The following BMP8A variants were observed in gnomAD, a reference collection of about 807,000 sequenced individuals.
BMP8A encodes the protein BMP-8A.
In BMP8A, 14 loss-of-function variants were observed where a neutral mutation model predicts 36.8. The observed-to-expected ratio is 0.38, with a 90% CI of 0.25 to 0.60. The LOEUF (loss-of-function observed/expected upper bound fraction) is 0.60, where lower values mean the gene tolerates loss of function less well. Among genes scored for constraint, BMP8A ranks in the 20% least tolerant of loss-of-function variants. BMP8A has a pLI of 0.63. For missense variants in BMP8A, 267 were observed against 551.1 expected (o/e 0.48, Z 5.16); for synonymous variants, 120 against 237.7 (o/e 0.50, Z 4.55).
In BMP8A at chr1:39,524,555, C is replaced by T. The variant is rs1176123201; in HGVS notation, c.1060-1094C>T. ...GACAGGAGCAGGCTGGCCCTAAGTT[C>T]AGGGCCAGCAGGGAGGAGAGGGGCT... On this transcript the variant is annotated intron_variant, in intron 6 of 6. Transcript: ENST00000331593. This position sits in a 1 kb window ranked among gnomAD's most constrained non-coding sequence, Gnocchi z 4.0. Among the ~76,000 whole-genome samples the T allele has an allele frequency of 6.6e-6, 1 of 152,058 alleles. No homozygotes were observed. Among genetic ancestry groups the T allele is most frequent in the Non-Finnish European group, 1.5e-5 (1 of 68,000 alleles).
chr1:39,509,530 G>A (rs1441677473), intron 1 of BMP8A, among the ~76,000 whole-genome samples: 1 of 152,188 alleles, frequency 6.6e-6, no homozygotes, highest in African/African-American at 2.4e-5. Context: ...ACCCTCAGGT[G>A]CTGTGGGACA....
chr1:39,505,814 T>G (rs889303957), intron 1 of BMP8A, among the ~76,000 whole-genome samples: 1 of 151,906 alleles, frequency 6.6e-6, no homozygotes, highest in African/African-American at 2.4e-5. Flanking sequence ...AGCCCTTGTC[T>G]CAATAAACAA....
chr1:39,510,630 C>T (rs1375199614), intron 1 of BMP8A, among the ~76,000 whole-genome samples: 1 of 151,922 alleles, frequency 6.6e-6, no homozygotes, highest in African/African-American at 2.4e-5. Flanking sequence ...CGCACTCATG[C>T]CTCAGCCCAG....
intron 1 of BMP8A, among the ~76,000 whole-genome samples, chr1:39,499,026 G>A (rs1265637095): frequency 2.6e-5 from 4 of 152,076 alleles, no homozygotes; most frequent in Non-Finnish European, 2.9e-5. Flanking sequence ...CTGGGGCCCC[G>A]GAACACAGCG....
rs1174516398 is a variant in BMP8A, at chr1:39,528,782, C to T, written c.*2984C>T. 6.6e-6 allele frequency among the ~76,000 whole-genome samples: 1 copy of T among 151,668 alleles called. No homozygotes were observed. The highest frequency in any genetic ancestry group is 1.5e-5 in the Non-Finnish European group (1 of 67,988). On this transcript the variant is annotated 3_prime_UTR_variant, in exon 7 of 7. Coordinates refer to ENST00000331593, the MANE Select transcript of BMP8A (RefSeq NM_181809.4). Reference sequence around the variant, plus strand: ...GCAGTGGCAGTGTCATGGCTCACTGCAGCCTCAACCTGCTGGGCTCAAGCA... The same window carrying T: ...GCAGTGGCAGTGTCATGGCTCACTGTAGCCTCAACCTGCTGGGCTCAAGCA...
Position 39,524,950 on chromosome 1 carries a change from C to G in BMP8A, c.1060-699C>G, listed in dbSNP as rs2124384110. The G allele has an allele frequency of 6.6e-6, 1 of 152,654 alleles. No homozygotes were observed. Among genetic ancestry groups the G allele is most frequent in the Non-Finnish European group, 1.5e-5 (1 of 68,274 alleles). 9.5% of individuals were successfully genotyped at this position (152,654 alleles called of 1,614,324 possible). A position where few individuals can be genotyped will look rare whatever the true frequency, so the allele number is the denominator to read the frequency against. The stretch of plus-strand genomic sequence containing the variant: ...GAGGCGAAAGGAGTCATCCAGGAGG[C>G]CTCCCAGGCGGGAGCTATGATGTCA... On this transcript the variant is annotated intron_variant, in intron 6 of 6. Coordinates refer to ENST00000331593, the MANE Select transcript of BMP8A (RefSeq NM_181809.4). This position sits in a 1 kb window ranked among gnomAD's most constrained non-coding sequence, Gnocchi z 4.0.
intron 1 of BMP8A, among the ~76,000 whole-genome samples, chr1:39,493,534 T>C (rs1025096143): frequency 3.9e-5 from 6 of 152,240 alleles, no homozygotes; most frequent in Non-Finnish European, 5.9e-5. Flanking sequence ...GGTACTGAGC[T>C]GCAGCAGGTC....
Position 39,526,682 on chromosome 1 carries a change from G to GC in BMP8A, c.*888dup, listed in dbSNP as rs1645486947. On this transcript the variant is annotated 3_prime_UTR_variant, in exon 7 of 7. Transcript: ENST00000331593. The stretch of plus-strand genomic sequence containing the variant: ...ATGTGTATTCCCTTGCCCTGGGCCT[G>GC]CCCCTTCTCCTGCCTGGGAAAGAGG... 6.6e-6 allele frequency among the ~76,000 whole-genome samples: 1 copy of GC among 152,154 alleles called. No homozygotes were observed. The highest frequency in any genetic ancestry group is 2.4e-5 in the African/African-American group (1 of 41,414).
chr1:39,498,344 C>T (rs1441084421), intron 1 of BMP8A, among the ~76,000 whole-genome samples: 6 of 152,218 alleles, frequency 3.9e-5, no homozygotes, highest in Non-Finnish European at 8.8e-5. Flanking sequence ...CTGGAAAATT[C>T]CCACAGTTCA....
At chr1:39,515,762 G>A (rs1645390061) in intron 3 of BMP8A, 1 of 1,591,684 alleles carries the variant, frequency 6.3e-7, no homozygotes, top group South Asian at 1.1e-5. Context: ...GCAGAAATAC[G>A]AGAAACGAAT....
intron 1 of BMP8A, among the ~76,000 whole-genome samples, chr1:39,499,564 G>A (rs1248591211): frequency 1.3e-5 from 2 of 152,240 alleles, no homozygotes; most frequent in African/African-American, 2.4e-5. Context: ...AGGGTCGCAG[G>A]GTTTGGCATC....
chr1:39,522,398 T>C lies in BMP8A; in HGVS notation c.869-5T>C. On this transcript the variant is annotated splice_region_variant and splice_polypyrimidine_tract_variant and intron_variant, in intron 4 of 6. Transcript: ENST00000331593. ...GAAAAGACCTTGCCCCTTCTGTCCC[T>C]GCAGATGACGTCCGCGGCTCCCACG... 5 of 1,583,744 alleles carry C rather than the reference T, an allele frequency of 3.2e-6. No individual in the cohort carries two copies. Among genetic ancestry groups the C allele is most frequent in the Non-Finnish European group, 4.3e-6 (5 of 1,161,506 alleles).
intron 1 of BMP8A, among the ~76,000 whole-genome samples, chr1:39,506,454 G>C (rs951831385): frequency 2.6e-5 from 4 of 151,836 alleles, no homozygotes; most frequent in African/African-American, 9.7e-5. Flanking sequence ...TGATCCACCC[G>C]CCTCGGCCTC....
In BMP8A at chr1:39,523,035, C is replaced by T; in HGVS notation, c.977C>T (p.Ser326Leu). ...LDWVIAPQGY[S>L]AYYCEGECSF... ...TGGGTCATCGCCCCCCAAGGCTACT[C>T]AGCCTATTACTGTGAGGGGGAGTGC... Residue 326 changes from serine (S) to leucine (L), a missense_variant, in exon 6 of 7, where the codon TCA becomes TTA. Transcript: ENST00000331593. The T allele has an allele frequency of 6.2e-7, 1 of 1,613,278 alleles. No individual in the cohort carries two copies. The highest frequency in any genetic ancestry group is 8.5e-7 in the Non-Finnish European group (1 of 1,179,548).
intron 1 of BMP8A, among the ~76,000 whole-genome samples, chr1:39,500,354 C>A (rs1043735352): frequency 6.6e-6 from 1 of 152,174 alleles, no homozygotes; most frequent in Middle Eastern, 3.2e-3. Flanking sequence ...TATCTGGAGA[C>A]CTTTTTAGTT....
rs1189562839 is a variant in BMP8A at position 39,511,118 on chromosome 1, C to A, written c.335-56C>A. 3 of 1,514,276 alleles carry A rather than the reference C, an allele frequency of 2.0e-6. No individual in the cohort carries two copies. The Admixed American group carries it at 5.7e-5, about 29-fold the overall frequency. 93.8% of individuals were successfully genotyped at this position (1,514,276 alleles called of 1,614,324 possible). On this transcript the variant is annotated intron_variant, in intron 1 of 6. Coordinates refer to ENST00000331593, the MANE Select transcript of BMP8A (RefSeq NM_181809.4). ...GGGCGGTGGCTCACACCAGCTCTGC[C>A]CCCTCCAGAGCCCGAGCCATTCTGA...
At chr1:39,495,191 G>A (rs1037984452) in intron 1 of BMP8A, among the ~76,000 whole-genome samples, 6 of 152,220 alleles carry the variant, frequency 3.9e-5, no homozygotes, top group Non-Finnish European at 7.3e-5. Flanking sequence ...TCTCCTATCA[G>A]CCTCATCTGA....
At chr1:39,515,739 G>A in intron 3 of BMP8A, 1 of 1,577,176 alleles carries the variant, frequency 6.3e-7, no homozygotes, top group Non-Finnish European at 8.7e-7. Context: ...TATGTAGGTC[G>A]CGTGATAAAG....
intron 1 of BMP8A, among the ~76,000 whole-genome samples, chr1:39,500,554 C>A (rs1645244088): frequency 6.6e-6 from 1 of 150,546 alleles, no homozygotes; most frequent in African/African-American, 2.5e-5. Flanking sequence ...TGATGATGGG[C>A]TCACCCTTTA....
Sources: allele counts gnomAD v4.1 joint callset (sites outside exome capture counted in the v4.1 genomes callset), GRCh38; gene constraint gnomAD v4.1.1; non-coding constraint Gnocchi (gnomAD v3.1); transcripts MANE v1.5; gene names NCBI Gene and HGNC (gene_info 2026-07-23, HGNC 2026-07-21).